The following STOX2 variants were observed in gnomAD, a reference collection of about 807,000 sequenced individuals.
STOX2 encodes the protein storkhead-box protein 2.
A neutral mutation model predicts 60.9 loss-of-function variants in STOX2; 28 were observed. The ratio of observed to expected loss-of-function variants is 0.46; its 90% confidence interval spans 0.34 to 0.63. The LOEUF is 0.63. STOX2 is among the 30% of genes least tolerant of loss of function. The pLI, the probability that STOX2 is intolerant of heterozygous loss-of-function variation, is 0.01. For missense variants in STOX2, 1,024 were observed against 1,187.7 expected, an observed-to-expected ratio of 0.86 and a Z score of 2.03; for synonymous variants, 472 against 463.9, an observed-to-expected ratio of 1.02 and a Z score of -0.22.
intron 1 of STOX2, among the ~76,000 whole-genome samples, chr4:183,960,860 A>C (rs907584082): frequency 1.4e-4 from 21 of 152,204 alleles, no homozygotes; most frequent in African/African-American, 5.1e-4. Flanking sequence ...CTATCTGCTG[A>C]ATAATGCTCT....
intron 1 of STOX2, among the ~76,000 whole-genome samples, chr4:183,882,834 G>A (rs1280390922): frequency 2.0e-5 from 3 of 152,326 alleles, no homozygotes; most frequent in African/African-American, 4.8e-5. Context: ...TGGCAAAGCC[G>A]GGGCTAGAAC....
At chr4:183,851,612 A>G (rs62652538) in intron 1 of STOX2, among the ~76,000 whole-genome samples, 152 of 50,724 alleles carry the variant, frequency 3.0e-3, no homozygotes, top group Middle Eastern at 0.015. Flanking sequence ...AAAGGATGAG[A>G]GAAAGGATGA....
chr4:183,948,185 T>C (rs1278748984), intron 1 of STOX2, among the ~76,000 whole-genome samples: 3 of 110,344 alleles, frequency 2.7e-5, no homozygotes, highest in African/African-American at 1.1e-4. Flanking sequence ...GACATTGCAC[T>C]CCAGCCTGGG....
intron 1 of STOX2, among the ~76,000 whole-genome samples, chr4:183,964,372 C>G (rs1743500359): frequency 6.6e-6 from 1 of 152,128 alleles, no homozygotes; most frequent in Non-Finnish European, 1.5e-5. Context: ...ATTTGGAGCT[C>G]ATGTTATTTA....
At chr4:183,958,694 TAAG>T (rs1743328167) in intron 1 of STOX2, among the ~76,000 whole-genome samples, 1 of 152,202 alleles carries the variant, frequency 6.6e-6, no homozygotes, top group Non-Finnish European at 1.5e-5. Context: ...TTACTTGAAG[TAAG>T]AAGACAGAGA....
chr4:183,970,634 G>A (rs957821887), intron 1 of STOX2, among the ~76,000 whole-genome samples: 3 of 152,198 alleles, frequency 2.0e-5, no homozygotes, highest in African/African-American at 7.2e-5. Flanking sequence ...TCAGCTAGAG[G>A]CATCTCCATG....
chr4:183,802,189 CAT>C (rs1738780178), intron 1 of STOX2, among the ~76,000 whole-genome samples: 1 of 152,236 alleles, frequency 6.6e-6, no homozygotes. Flanking sequence ...TTGATCCTCA[CAT>C]GTTTAAATAG....
Position 183,822,044 on chromosome 4 carries a change from G to A in STOX2, c.364+23989G>A, listed in dbSNP as rs6828168. On this transcript the variant is annotated intron_variant, in intron 1 of 2. Coordinates refer to the STOX2 transcript ENST00000513034. ...TCTCTGGGATTTGCCCTCCTGGGCA[G>A]GGTGCTCTGCAAACTTCCCGTCCTG... Among the ~76,000 whole-genome samples the A allele has an allele frequency of 2.5e-3, 374 of 152,340 alleles. 1 individual carries two copies. The highest frequency in any genetic ancestry group is 8.6e-3 in the African/African-American group (356 of 41,578).
At chr4:183,863,396 C>A (rs994778126) in intron 1 of STOX2, among the ~76,000 whole-genome samples, 1 of 152,172 alleles carries the variant, frequency 6.6e-6, no homozygotes, top group Non-Finnish European at 1.5e-5. Context: ...ACTAAATGAG[C>A]TCTTGAAAGA....
intron 1 of STOX2, among the ~76,000 whole-genome samples, chr4:183,998,407 A>G (rs548011125): frequency 2.0e-4 from 30 of 152,190 alleles, no homozygotes; most frequent in Non-Finnish European, 4.0e-4. Context: ...AAGGAACTAC[A>G]GGCCGGTGTC....
intron 1 of STOX2, among the ~76,000 whole-genome samples, chr4:183,919,434 C>T (rs900625103): frequency 6.6e-6 from 1 of 152,048 alleles, no homozygotes; most frequent in African/African-American, 2.4e-5. Flanking sequence ...AGTCAGGCCC[C>T]GCCGGGAGGT....
chr4:183,973,180 G>A (rs534843893), intron 1 of STOX2, among the ~76,000 whole-genome samples: 8 of 152,208 alleles, frequency 5.3e-5, no homozygotes, highest in African/African-American at 1.9e-4. Context: ...ATAATGGTTG[G>A]CAACTAAATT....
intron 1 of STOX2, among the ~76,000 whole-genome samples, chr4:183,958,766 G>A (rs1240423844): frequency 6.6e-6 from 1 of 152,148 alleles, no homozygotes; most frequent in East Asian, 1.9e-4. Context: ...CTGCCTCGGT[G>A]TCCCGGGCCC....
At chr4:184,008,890 C>T (rs139562540) in intron 2 of STOX2, among the ~76,000 whole-genome samples, 19 of 152,288 alleles carry the variant, frequency 1.2e-4, no homozygotes, top group African/African-American at 4.3e-4. Flanking sequence ...CAGGAAACAA[C>T]AGGTAACAAC....
At chr4:183,884,914 A>G (rs1741046340) in intron 1 of STOX2, among the ~76,000 whole-genome samples, 1 of 152,204 alleles carries the variant, frequency 6.6e-6, no homozygotes, top group Non-Finnish European at 1.5e-5. Context: ...TTGGTGAATG[A>G]GCCAACTGGG....
intron 1 of STOX2, among the ~76,000 whole-genome samples, chr4:183,961,986 C>T (rs1205933625): frequency 1.3e-5 from 2 of 152,194 alleles, no homozygotes; most frequent in South Asian, 2.1e-4. Context: ...AAGCAGGGTG[C>T]GGTGACCCCA....
intron 1 of STOX2, among the ~76,000 whole-genome samples, chr4:183,993,067 A>G (rs1733179112): frequency 6.6e-6 from 1 of 152,224 alleles, no homozygotes; most frequent in African/African-American, 2.4e-5. Flanking sequence ...GACGTCAGGA[A>G]TCACCTCTGG....
chr4:183,866,740 G>T (rs77230143), intron 1 of STOX2, among the ~76,000 whole-genome samples: 4,760 of 152,158 alleles, frequency 0.031, 110 homozygotes, highest in Non-Finnish European at 0.043. Context: ...GGTGCCAGGC[G>T]CAGTGGCTTA....
chr4:183,887,357 C>T (rs1245054828), intron 1 of STOX2, among the ~76,000 whole-genome samples: 2 of 152,048 alleles, frequency 1.3e-5, no homozygotes, highest in South Asian at 2.1e-4. Flanking sequence ...CAATTTAGGC[C>T]GTTATAAATT....
Sources: allele counts gnomAD v4.1 joint callset (sites outside exome capture counted in the v4.1 genomes callset), GRCh38; gene constraint gnomAD v4.1.1; transcripts MANE v1.5; gene names NCBI Gene and HGNC (gene_info 2026-07-23, HGNC 2026-07-21).